TMEM87A: variants seen among roughly 807,000 people sequenced by gnomAD.
TMEM87A encodes Golgi-pH regulating cation channel.
A neutral mutation model predicts 90.0 loss-of-function variants in TMEM87A; 50 were observed. The ratio of observed to expected loss-of-function variants is 0.56; its 90% confidence interval spans 0.44 to 0.70. TMEM87A has a LOEUF of 0.70. Among genes scored for constraint, TMEM87A ranks in the 30% least tolerant of loss-of-function variants. TMEM87A has a pLI of 0.00. For missense variants in TMEM87A, 577 were observed against 660.5 expected, an observed-to-expected ratio of 0.87 and a Z score of 1.39; for synonymous variants, 226 against 226.7, an observed-to-expected ratio of 1.00 and a Z score of 0.03.
chr15:42,273,054 T>TA (rs1306207444), intron 1 of TMEM87A: 1 of 699,038 alleles, frequency 1.4e-6, no homozygotes, highest in Non-Finnish European at 2.5e-6. Flanking sequence ...AAGTGGCCCT[T>TA]ACATTCCCGC....
chr15:42,239,481 T>C (rs2140945331), intron 8 of TMEM87A, among the ~76,000 whole-genome samples, 189 bp downstream of exon 8: 1 of 152,204 alleles, frequency 6.6e-6, no homozygotes, highest in South Asian at 2.1e-4. Flanking sequence ...GATAAGAAAA[T>C]GAGGCACACA....
chr15:42,241,608 G>T (rs2050869643), intron 7 of TMEM87A, among the ~76,000 whole-genome samples: 2 of 152,128 alleles, frequency 1.3e-5, no homozygotes, highest in African/African-American at 4.8e-5. Flanking sequence ...ATCCATTAAA[G>T]GTTTCGATGA....
At chr15:42,266,411 G>A (rs534077434) in intron 3 of TMEM87A, among the ~76,000 whole-genome samples, 72 of 152,012 alleles carry the variant, frequency 4.7e-4, no homozygotes, top group African/African-American at 1.7e-3. Flanking sequence ...AGCTACTTGG[G>A]AGGCTGAGGC....
At chr15:42,261,691 TG>T (rs2051295760) in intron 4 of TMEM87A, among the ~76,000 whole-genome samples, 1 of 149,484 alleles carries the variant, frequency 6.7e-6, no homozygotes, top group South Asian at 2.1e-4. Flanking sequence ...TGGAGTGCAG[TG>T]GTGTTATCTC....
chr15:42,253,230 T>C (rs1222525921), intron 6 of TMEM87A, among the ~76,000 whole-genome samples: 3 of 152,224 alleles, frequency 2.0e-5, no homozygotes, highest in African/African-American at 7.2e-5. Flanking sequence ...GAATGAAAGC[T>C]TAGGGTCATC....
Position 42,228,731 on chromosome 15 carries a change from C to A in TMEM87A, c.1221G>T (p.Thr407=), listed in dbSNP as rs527905751. The part of the protein sequence containing the change: ...KLSLYRHFTN[T]LILAVAASIV... Reference sequence around the variant, plus strand: ...ACTTACCTGCCACTGCCAAAATAAGCGTGTTGGTGAAATGCCGATACAAAG... The same window carrying A: ...ACTTACCTGCCACTGCCAAAATAAGAGTGTTGGTGAAATGCCGATACAAAG... Residue 407 remains threonine, a synonymous_variant, in exon 13 of 20, where the codon ACG becomes ACT. Coordinates refer to ENST00000389834, the MANE Select transcript of TMEM87A (RefSeq NM_015497.5). 36 of 1,612,692 alleles carry A rather than the reference C, an allele frequency of 2.2e-5. 1 individual carries two copies. In the African/African-American group the frequency reaches 2.7e-4, roughly 12 times the overall value.
chr15:42,236,967 T>C (rs1008536695), intron 9 of TMEM87A, among the ~76,000 whole-genome samples: 1 of 152,242 alleles, frequency 6.6e-6, no homozygotes, highest in African/African-American at 2.4e-5. Context: ...ACTTCTGTCA[T>C]TACCAGTTCA....
rs761351432 is a variant in TMEM87A at position 42,226,790 on chromosome 15, A to G, written c.1403+16T>C. ...GTCATCTCATGTTAGCAGAGTAAAC[A>G]GAAGAGTCCAAGAACCTCTGGTTGT... On this transcript the variant is annotated intron_variant, in intron 15 of 19. Coordinates refer to ENST00000389834, the MANE Select transcript of TMEM87A (RefSeq NM_015497.5). The G allele has an allele frequency of 6.2e-6, 10 of 1,609,416 alleles. No homozygotes were observed. The South Asian group carries it at 1.1e-4, about 18-fold the overall frequency.
chr15:42,230,685 G>T (rs1269311463), intron 12 of TMEM87A, among the ~76,000 whole-genome samples: 1 of 152,180 alleles, frequency 6.6e-6, no homozygotes, highest in Non-Finnish European at 1.5e-5. Context: ...GCTTTTGAAT[G>T]AGGCAAGAAA....
chr15:42,211,542 G>C lies in TMEM87A; in HGVS notation c.*166C>G, dbSNP rs2050286684. 1 of 629,292 alleles carries C rather than the reference G, an allele frequency of 1.6e-6. No homozygotes were observed. Among genetic ancestry groups the C allele is most frequent in the Non-Finnish European group, 2.7e-6 (1 of 364,380 alleles). 39.0% of individuals were successfully genotyped at this position (629,292 alleles called of 1,614,324 possible). On this transcript the variant is annotated 3_prime_UTR_variant, in exon 20 of 20. Transcript: ENST00000389834. ...CTTATGAACTTGTTTTCAGTAAGAT[G>C]TTCTCTTTGTTCTGACACCTCTCGC...
chr15:42,267,866 C>T (rs1014156495), intron 3 of TMEM87A, 81 bp downstream of exon 3: 1 of 1,154,920 alleles, frequency 8.7e-7, no homozygotes, highest in Non-Finnish European at 1.3e-6. Context: ...CTACATGATA[C>T]TCTTTCCTCT....
chr15:42,252,666 T>C (rs902162126), intron 6 of TMEM87A, among the ~76,000 whole-genome samples: 2 of 152,168 alleles, frequency 1.3e-5, no homozygotes, highest in Non-Finnish European at 2.9e-5. Context: ...TTTTTATCAT[T>C]TTTATCTCTA....
upstream of TMEM87A, chr15:42,273,470 G>C (rs941031091): frequency 6.3e-7 from 1 of 1,592,970 alleles, no homozygotes; most frequent in Non-Finnish European, 8.5e-7. Context: ...TTCCGGCTCT[G>C]CTCTAAGGGC....
chr15:42,257,583 C>T (rs1365496015), intron 6 of TMEM87A, among the ~76,000 whole-genome samples: 1 of 152,162 alleles, frequency 6.6e-6, no homozygotes, highest in Non-Finnish European at 1.5e-5. Flanking sequence ...TTTCTTGGGG[C>T]CATAAATTGC....
intron 10 of TMEM87A, 56 bp from the exon 11 acceptor site, chr15:42,233,362 C>T: frequency 7.5e-7 from 1 of 1,339,772 alleles, no homozygotes; most frequent in Non-Finnish European, 1.1e-6. Flanking sequence ...CCGAAACAAG[C>T]TAAGTAACAG....
chr15:42,228,947 C>G (rs1351214450), intron 12 of TMEM87A, 127 bp from the exon 13 acceptor site: 1 of 581,020 alleles, frequency 1.7e-6, no homozygotes, highest in Non-Finnish European at 3.0e-6. Flanking sequence ...CCTTATAGCT[C>G]TCTTATTCTC....
rs890792691 is a variant in TMEM87A at position 42,211,646 on chromosome 15, T to C, written c.*62A>G. On this transcript the variant is annotated 3_prime_UTR_variant, in exon 20 of 20. Coordinates refer to ENST00000389834, the MANE Select transcript of TMEM87A (RefSeq NM_015497.5). ...AATCCCATGGAGCCGTACAGAAGAC[T>C]GACACAGATGCTGATCTCTTCCCTG... 4 of 1,509,882 alleles carry C rather than the reference T, an allele frequency of 2.6e-6. No individual in the cohort carries two copies. Among genetic ancestry groups the C allele is most frequent in the African/African-American group, 2.8e-5 (2 of 72,280 alleles). 93.5% of individuals were successfully genotyped at this position (1,509,882 alleles called of 1,614,324 possible). A position where few individuals can be genotyped will look rare whatever the true frequency, so the allele number is the denominator to read the frequency against.
At chr15:42,272,746 T>TA (rs1365646205) in intron 1 of TMEM87A, 1 of 341,918 alleles carries the variant, frequency 2.9e-6, no homozygotes, top group African/African-American at 2.2e-5. Flanking sequence ...CTTAAATCTC[T>TA]ATGCTTTCTA....
At chr15:42,246,084 T>A (rs2140955135) in intron 6 of TMEM87A, among the ~76,000 whole-genome samples, 1 of 152,336 alleles carries the variant, frequency 6.6e-6, no homozygotes, top group South Asian at 2.1e-4. Context: ...CACTTGCAAC[T>A]ACTTATTTAC....
Sources: allele counts gnomAD v4.1 joint callset (sites outside exome capture counted in the v4.1 genomes callset), GRCh38; gene constraint gnomAD v4.1.1; transcripts MANE v1.5; gene names NCBI Gene and HGNC (gene_info 2026-07-23, HGNC 2026-07-21).